Variants in RNF150 observed in about 807,000 individuals in gnomAD.
RNF150 encodes ring finger protein 150.
A neutral mutation model predicts 39.3 loss-of-function variants in RNF150; 24 were observed. The observed-to-expected ratio is 0.61, with a 90% CI of 0.44 to 0.86. The LOEUF (loss-of-function observed/expected upper bound fraction) is 0.86, where lower values mean the gene tolerates loss of function less well. Ranked by LOEUF, RNF150 falls within the 40% of genes least tolerant of loss-of-function variation. The probability of loss-of-function intolerance (pLI) is 0.00; values close to 1 mark genes in which losing one functional copy is unlikely to be tolerated. For missense variants in RNF150, 502 were observed against 587.8 expected, an observed-to-expected ratio of 0.85 and a Z score of 1.51; for synonymous variants, 255 against 227.3, an observed-to-expected ratio of 1.12 and a Z score of -1.10.
intron 1 of RNF150, among the ~76,000 whole-genome samples, chr4:141,087,840 T>C (rs924318310): frequency 6.6e-6 from 1 of 152,150 alleles, no homozygotes; most frequent in Non-Finnish European, 1.5e-5. Flanking sequence ...ACTTTTTTTT[T>C]TATTAACAGG....
chr4:140,987,495 G>T (rs903417310), intron 1 of RNF150, among the ~76,000 whole-genome samples: 1 of 151,998 alleles, frequency 6.6e-6, no homozygotes, highest in Non-Finnish European at 1.5e-5. Context: ...TGACAAAGTT[G>T]ACAAAAATAA....
At chr4:141,103,427 C>T (rs542281537) in intron 1 of RNF150, among the ~76,000 whole-genome samples, 11 of 152,134 alleles carry the variant, frequency 7.2e-5, no homozygotes, top group African/African-American at 2.6e-4. Flanking sequence ...ACATTGTGGC[C>T]GCAGCAGGTA....
At chr4:140,931,591 C>A (rs1417207428) in intron 4 of RNF150, among the ~76,000 whole-genome samples, 1 of 152,154 alleles carries the variant, frequency 6.6e-6, no homozygotes, top group East Asian at 1.9e-4. Context: ...TTATAGGATT[C>A]ACAGGATAGC....
At chr4:141,177,423 T>G (rs1190974350) in intron 1 of RNF150, among the ~76,000 whole-genome samples, 1 of 151,880 alleles carries the variant, frequency 6.6e-6, no homozygotes, top group Non-Finnish European at 1.5e-5. Context: ...TTTGATTATC[T>G]CTCTCTCTCT....
chr4:140,884,422 A>C (rs558215284), intron 6 of RNF150, among the ~76,000 whole-genome samples: 2 of 152,270 alleles, frequency 1.3e-5, no homozygotes, highest in African/African-American at 4.8e-5. Context: ...CAGTCTTTGC[A>C]GTCTGGTTTC....
chr4:140,986,812 A>C (rs1401952182), intron 1 of RNF150, among the ~76,000 whole-genome samples: 1 of 152,056 alleles, frequency 6.6e-6, no homozygotes, highest in Admixed American at 6.6e-5. Flanking sequence ...AAGGCATCCA[A>C]AAAGGAAAAG....
intron 1 of RNF150, among the ~76,000 whole-genome samples, chr4:141,034,483 A>G (rs899545833): frequency 6.6e-6 from 1 of 152,094 alleles, no homozygotes; most frequent in Admixed American, 6.6e-5. Context: ...AGCCCTTTTA[A>G]TTTCTCTGAA....
chr4:140,890,233 A>G (rs1729712213), intron 6 of RNF150, among the ~76,000 whole-genome samples: 1 of 152,174 alleles, frequency 6.6e-6, no homozygotes, highest in Non-Finnish European at 1.5e-5. Flanking sequence ...TTATCCTGCA[A>G]TTTACTTATT....
At chr4:141,136,568 G>A (rs1471996066), upstream of RNF150, among the ~76,000 whole-genome samples, 9 of 152,138 alleles carry the variant, frequency 5.9e-5, no homozygotes, top group African/African-American at 2.2e-4. Flanking sequence ...TATTTGGGGA[G>A]AGCAATGAGC....
At chr4:141,152,281 C>T (rs1460815088) in intron 1 of RNF150, among the ~76,000 whole-genome samples, 1 of 152,148 alleles carries the variant, frequency 6.6e-6, no homozygotes, top group East Asian at 1.9e-4. Flanking sequence ...ATTGAACACC[C>T]ACACTGGAAT....
chr4:140,962,194 G>C (rs1042538623), intron 2 of RNF150, among the ~76,000 whole-genome samples: 8 of 151,530 alleles, frequency 5.3e-5, no homozygotes, highest in African/African-American at 1.9e-4. Flanking sequence ...TGATTATACT[G>C]TTTTCTAAGA....
At chr4:141,144,258 T>C (rs1167168830) in intron 1 of RNF150, among the ~76,000 whole-genome samples, 1 of 152,234 alleles carries the variant, frequency 6.6e-6, no homozygotes, top group Non-Finnish European at 1.5e-5. Flanking sequence ...GACTTTGTGA[T>C]CTGTAATTTG....
intron 1 of RNF150, among the ~76,000 whole-genome samples, chr4:141,122,178 G>C (rs562322168): frequency 6.6e-6 from 1 of 152,304 alleles, no homozygotes; most frequent in East Asian, 1.9e-4. Context: ...ACTGAAACCC[G>C]AGTTTCCTAA....
At chr4:141,139,312 C>A (rs922111870) in intron 1 of RNF150, among the ~76,000 whole-genome samples, 1 of 152,236 alleles carries the variant, frequency 6.6e-6, no homozygotes, top group Non-Finnish European at 1.5e-5. Flanking sequence ...CAGGGCTCCT[C>A]CCATCAAGTT....
At chr4:141,046,283 T>C (rs987601880) in intron 1 of RNF150, among the ~76,000 whole-genome samples, 12 of 152,222 alleles carry the variant, frequency 7.9e-5, no homozygotes, top group Admixed American at 1.3e-4. Context: ...ATTTTCTGTC[T>C]TCTACCTACA....
intron 6 of RNF150, among the ~76,000 whole-genome samples, chr4:140,897,768 T>A (rs1271210404): frequency 6.6e-6 from 1 of 152,216 alleles, no homozygotes; most frequent in South Asian, 2.1e-4. Context: ...GAATGCTTAT[T>A]ATGGACCAGG....
At chr4:141,003,139 G>A (rs2111509307) in intron 1 of RNF150, among the ~76,000 whole-genome samples, 1 of 152,096 alleles carries the variant, frequency 6.6e-6, no homozygotes, top group South Asian at 2.1e-4. Flanking sequence ...TACTTATTGG[G>A]CCAAGCAGGA....
upstream of RNF150, among the ~76,000 whole-genome samples, chr4:141,137,485 G>C (rs749038988): frequency 2.0e-5 from 3 of 152,186 alleles, no homozygotes; most frequent in African/African-American, 4.8e-5. Context: ...TATGGAAGAA[G>C]AAGAGGAGCC....
chr4:141,089,376 G>C (rs1427463117), intron 1 of RNF150, among the ~76,000 whole-genome samples: 2 of 152,146 alleles, frequency 1.3e-5, no homozygotes, highest in Non-Finnish European at 2.9e-5. Flanking sequence ...TGTTTAGAGG[G>C]GCAGAGGAGA....
Sources: allele counts gnomAD v4.1 joint callset (sites outside exome capture counted in the v4.1 genomes callset), GRCh38; gene constraint gnomAD v4.1.1; transcripts MANE v1.5; gene names NCBI Gene and HGNC (gene_info 2026-07-23, HGNC 2026-07-21).